PDCD4: variants seen among roughly 807,000 people sequenced by gnomAD.
PDCD4 encodes the protein programmed cell death protein 4.
A neutral mutation model predicts 54.0 loss-of-function variants in PDCD4; 56 were observed. The ratio of observed to expected loss-of-function variants is 1.04; its 90% CI spans 0.84 to 1.30. The LOEUF is 1.30. Among genes scored for constraint, PDCD4 ranks in the 50% most tolerant of loss-of-function variants. The pLI is 0.00. For synonymous variants in PDCD4, 186 were observed against 194.8 expected (o/e 0.95, Z 0.37); for missense variants, 584 against 559.8 (o/e 1.04, Z -0.44).
chr10:110,894,081 A>T lies in PDCD4; in HGVS notation c.991-10A>T. The stretch of plus-strand genomic sequence containing the variant: ...GAATTCTGACACATCTCAACTTTTA[A>T]ATCTAATAGATTGATATGCTGCTGA... On this transcript the variant is annotated splice_polypyrimidine_tract_variant and intron_variant, in intron 8 of 11. Coordinates refer to ENST00000280154, the MANE Select transcript of PDCD4 (RefSeq NM_014456.5). 1 of 1,523,998 alleles carries T rather than the reference A, an allele frequency of 6.6e-7. No homozygotes were observed. Among genetic ancestry groups the T allele is most frequent in the East Asian group, 2.3e-5 (1 of 44,312 alleles). The allele number at this position is 1,523,998 out of a possible 1,614,324, so 94.4% of individuals were successfully genotyped here.
intron 2 of PDCD4, among the ~76,000 whole-genome samples, chr10:110,879,287 C>T (rs1327303896): frequency 6.6e-6 from 1 of 151,242 alleles, no homozygotes; most frequent in Non-Finnish European, 1.5e-5. Flanking sequence ...TAAGCTCTGA[C>T]AATTTGAGTG....
rs780271274 is a variant in PDCD4, at chr10:110,898,098, C to G, written c.*10C>G. ...ACCAGAGAGCTACTGAATATAAGAA[C>G]TCTTGCAGTCTTAGATGTTATAAAA... On this transcript the variant is annotated 3_prime_UTR_variant, in exon 12 of 12. Coordinates refer to ENST00000280154, the MANE Select transcript of PDCD4 (RefSeq NM_014456.5). 2 of 1,506,700 alleles carry G rather than the reference C, an allele frequency of 1.3e-6. No individual in the cohort carries two copies. The highest frequency in any genetic ancestry group is 2.5e-5 in the South Asian group (2 of 79,674). The allele number at this position is 1,506,700 out of a possible 1,614,324, so 93.3% of individuals were successfully genotyped here.
In PDCD4 at chr10:110,885,317, C is replaced by A. The variant is rs1391814352; in HGVS notation, c.506C>A (p.Thr169Lys). The change falls in exon 5 of 12, where the codon ACA becomes AAA. Residue 169 changes from threonine to lysine, a missense_variant. By Grantham distance (78) the Thr-to-Lys change is moderately conservative. Coordinates refer to ENST00000280154, the MANE Select transcript of PDCD4 (RefSeq NM_014456.5). Reference protein sequence around the residue: ...LDERAFEKTLTPIIQEYFEHG... With the variant: ...LDERAFEKTLKPIIQEYFEHG... The stretch of plus-strand genomic sequence containing the variant: ...GAAAGGGCATTTGAGAAGACTTTAA[C>A]ACCAATCATACAGGAATATTTTGAG... 14 of 1,598,890 alleles carry A rather than the reference C, an allele frequency of 8.8e-6. No homozygotes were observed. The highest frequency in any genetic ancestry group is 1.2e-5 in the Non-Finnish European group (14 of 1,168,336).
intron 8 of PDCD4, among the ~76,000 whole-genome samples, chr10:110,893,719 T>G (rs1845790054): frequency 6.6e-6 from 1 of 152,094 alleles, no homozygotes; most frequent in Admixed American, 6.6e-5. Context: ...TGAAATATTT[T>G]GTGCCACTTT....
chr10:110,887,947 T>G, intron 6 of PDCD4, 61 bp downstream of exon 6: 1 of 1,130,340 alleles, frequency 8.8e-7, no homozygotes, highest in Non-Finnish European at 1.3e-6. Flanking sequence ...ATTGTGGAAA[T>G]AATGTATACT....
In PDCD4 at chr10:110,885,245, C is replaced by T; in HGVS notation, c.442-8C>T. 1 of 1,361,094 alleles carries T rather than the reference C, an allele frequency of 7.3e-7. No homozygotes were observed. Among genetic ancestry groups the T allele is most frequent in the Non-Finnish European group, 1.0e-6 (1 of 961,690 alleles). The allele number at this position is 1,361,094 out of a possible 1,614,324, so 84.3% of individuals were successfully genotyped here. A position where few individuals can be genotyped will look rare whatever the true frequency, so the allele number is the denominator to read the frequency against. Reference sequence around the variant, plus strand: ...TTTTATAACTCTTACTCCCTTTTCCCCTCAAAGGAGAACTGTGTTTATGAA... The same window carrying T: ...TTTTATAACTCTTACTCCCTTTTCCTCTCAAAGGAGAACTGTGTTTATGAA... On this transcript the variant is annotated splice_region_variant and splice_polypyrimidine_tract_variant and intron_variant, in intron 4 of 11. Coordinates refer to ENST00000280154, the MANE Select transcript of PDCD4 (RefSeq NM_014456.5).
Position 110,894,402 on chromosome 10 carries a change from C to A in PDCD4, c.1099-10C>A. ...TTAACCAAAAATTCACTCATTGATT[C>A]AATTTTTAGGCTATTATAATGGTTT... On this transcript the variant is annotated splice_polypyrimidine_tract_variant and intron_variant, in intron 9 of 11. Transcript: ENST00000280154. The A allele has an allele frequency of 1.5e-6, 2 of 1,378,234 alleles. No individual in the cohort carries two copies. Among genetic ancestry groups the A allele is most frequent in the South Asian group, 1.2e-5 (1 of 84,256 alleles). 85.4% of individuals were successfully genotyped at this position (1,378,234 alleles called of 1,614,324 possible).
chr10:110,888,054 T>C (rs1418543388), intron 6 of PDCD4, among the ~76,000 whole-genome samples, 168 bp downstream of exon 6: 1 of 152,182 alleles, frequency 6.6e-6, no homozygotes, highest in Admixed American at 6.5e-5. Context: ...CTAGTTCTTT[T>C]GTTTTTTAAA....
intron 3 of PDCD4, among the ~76,000 whole-genome samples, chr10:110,882,745 C>A (rs1845610551): frequency 6.6e-6 from 1 of 151,910 alleles, no homozygotes; most frequent in African/African-American, 2.4e-5. Flanking sequence ...ATTTTTTTAT[C>A]TTTATTTGTT....
intron 11 of PDCD4, among the ~76,000 whole-genome samples, chr10:110,896,964 C>T (rs538077036): frequency 1.3e-5 from 2 of 152,228 alleles, no homozygotes; most frequent in African/African-American, 2.4e-5. Flanking sequence ...GAAATACAGA[C>T]GTTAGCTTGG....
Position 110,873,076 on chromosome 10 carries a change from C to G in PDCD4, c.-63+1058C>G, listed in dbSNP as rs535367711. On this transcript the variant is annotated intron_variant, in intron 1 of 11. Coordinates refer to ENST00000280154, the MANE Select transcript of PDCD4 (RefSeq NM_014456.5). ...TCTTAACGTGACTTTTTTGGGAAACCACCAAGTGCTTTTTAAGCAAGGAGT... is the reference window on the plus strand; with the variant it reads ...TCTTAACGTGACTTTTTTGGGAAACGACCAAGTGCTTTTTAAGCAAGGAGT... Among the ~76,000 whole-genome samples, 3 of 152,122 alleles carry G rather than the reference C, an allele frequency of 2.0e-5. No homozygotes were observed. The East Asian group carries it at 5.8e-4, about 29-fold the overall frequency.
intron 2 of PDCD4, among the ~76,000 whole-genome samples, chr10:110,879,289 A>G (rs544441158): frequency 4.6e-5 from 7 of 151,168 alleles, no homozygotes; most frequent in African/African-American, 9.7e-5. Flanking sequence ...AGCTCTGACA[A>G]TTTGAGTGTG....
intron 8 of PDCD4, 31 bp from the exon 9 acceptor site, chr10:110,894,060 T>C: frequency 7.6e-7 from 1 of 1,315,168 alleles, no homozygotes; most frequent in Non-Finnish European, 1.1e-6. Flanking sequence ...AGTTAGGAAT[T>C]CTGACACATC....
Position 110,887,853 on chromosome 10 carries a change from T to G in PDCD4, c.744T>G (p.Pro248=). 2.5e-6 allele frequency: 4 copies of G among 1,612,688 alleles called. No homozygotes were observed. The highest frequency in any genetic ancestry group is 3.4e-6 in the Non-Finnish European group (4 of 1,178,770). ...TTGATAAATTGTTGAAAGATCTACCTGAATTAGCACTGGATACTCCTAGAG... is the reference window on the plus strand; with the variant it reads ...TTGATAAATTGTTGAAAGATCTACCGGAATTAGCACTGGATACTCCTAGAG... ...KSFDKLLKDL[P]ELALDTPRAP... is the part of the protein sequence containing the mutation. Residue 248 remains proline, a synonymous_variant, in exon 6 of 12, where the codon CCT becomes CCG. Transcript: ENST00000280154.
intron 6 of PDCD4, among the ~76,000 whole-genome samples, chr10:110,889,285 T>A (rs1293103120): frequency 6.6e-6 from 1 of 151,408 alleles, no homozygotes; most frequent in Non-Finnish European, 1.5e-5. Context: ...GTGCAAGGTG[T>A]TAGGGATTCA....
chr10:110,887,899 C>T lies in PDCD4; in HGVS notation c.777+13C>T. 1.3e-6 allele frequency: 2 copies of T among 1,537,056 alleles called. No homozygotes were observed. Among genetic ancestry groups the T allele is most frequent in the Non-Finnish European group, 1.8e-6 (2 of 1,111,068 alleles). On this transcript the variant is annotated intron_variant, in intron 6 of 11. Transcript: ENST00000280154. ...TAGAGCACCACAGGTTTGTATGATT[C>T]TTCTTTTTGTTCATTCCCTCCCACT...
chr10:110,876,887 A>T (rs1845513437), intron 2 of PDCD4: 1 of 381,616 alleles, frequency 2.6e-6, no homozygotes, highest in Non-Finnish European at 4.8e-6. Context: ...TCTTTGTCTT[A>T]TAATTTTATT....
At chr10:110,892,600 T>A (rs7068228) in intron 8 of PDCD4, among the ~76,000 whole-genome samples, 151,870 of 152,326 alleles carry the variant, frequency 1, 75,707 homozygotes, top group East Asian at 1. Flanking sequence ...CGTGCCACAT[T>A]ATGATGTTTT....
chr10:110,880,484 T>TGGTAA (rs1486941936), intron 2 of PDCD4: 1 of 152,198 alleles, frequency 6.6e-6, no homozygotes, highest in Non-Finnish European at 1.5e-5. Flanking sequence ...ATTTACAGGA[T>TGGTAA]GGTAAGTAAT....
Sources: gnomAD v4.1 joint callset for allele counts (sites outside exome capture counted in the v4.1 genomes callset) on GRCh38, gnomAD v4.1.1 for gene constraint, MANE v1.5 for transcripts, NCBI Gene and HGNC (gene_info 2026-07-23, HGNC 2026-07-21) for gene names.